The following ANKMY2 variants were observed in gnomAD, a reference collection of about 807,000 sequenced individuals.
ANKMY2 encodes ankyrin repeat and MYND domain containing 2.
ANKMY2 carries 36 observed loss-of-function variants against 50.4 expected under a neutral mutation model. The observed-to-expected ratio is 0.71, with a 90% CI of 0.55 to 0.94. The LOEUF is 0.94. Ranked by LOEUF, ANKMY2 falls within the 40% of genes least tolerant of loss-of-function variation. ANKMY2 has a pLI of 0.00. For missense variants in ANKMY2, 565 were observed against 524.0 expected, an observed-to-expected ratio of 1.08 and a Z score of -0.76; for synonymous variants, 187 against 178.8, an observed-to-expected ratio of 1.05 and a Z score of -0.36.
intron 2 of ANKMY2, among the ~76,000 whole-genome samples, chr7:16,635,981 G>A (rs907558574): frequency 6.6e-6 from 1 of 151,968 alleles, no homozygotes; most frequent in African/African-American, 2.4e-5. Context: ...AGTGTAATAT[G>A]AGCAAAAATG....
At chr7:16,605,681 T>TCG (rs1781147297) in intron 7 of ANKMY2, among the ~76,000 whole-genome samples, 1 of 130,148 alleles carries the variant, frequency 7.7e-6, no homozygotes, top group Non-Finnish European at 1.6e-5. Flanking sequence ...GTACTTTTTT[T>TCG]TTTTTTTTTT....
intron 7 of ANKMY2, among the ~76,000 whole-genome samples, chr7:16,606,662 T>A (rs544566805): frequency 6.6e-6 from 1 of 152,348 alleles, no homozygotes; most frequent in African/African-American, 2.4e-5. Flanking sequence ...TTTGTTTTTA[T>A]ATTATCTTAC....
chr7:16,631,416 C>T (rs1644458626), intron 2 of ANKMY2, among the ~76,000 whole-genome samples: 1 of 152,098 alleles, frequency 6.6e-6, no homozygotes, highest in Non-Finnish European at 1.5e-5. Context: ...CTAGCCTTAT[C>T]AAATAAATGA....
intron 3 of ANKMY2, among the ~76,000 whole-genome samples, chr7:16,625,965 G>C (rs1036498856): frequency 1.4e-5 from 2 of 144,202 alleles, no homozygotes; most frequent in South Asian, 2.2e-4. Flanking sequence ...TTTTATACTT[G>C]ATTTATAAGA....
intron 6 of ANKMY2, among the ~76,000 whole-genome samples, chr7:16,610,271 G>A (rs753888786): frequency 1.3e-5 from 2 of 151,974 alleles, no homozygotes; most frequent in African/African-American, 2.4e-5. Flanking sequence ...ACTTTCTCGC[G>A]GTGTGATCTT....
rs531859417 is a variant in ANKMY2 at position 16,644,366 on chromosome 7, C to A, written c.67+1141G>T. Among the ~76,000 whole-genome samples, 39 of 152,294 alleles carry A rather than the reference C, an allele frequency of 2.6e-4. No individual in the cohort carries two copies. In the South Asian group the frequency reaches 3.3e-3, roughly 13 times the overall value. ...TGACTTAGAATAGTTGAGATCAGAT[C>A]GGGTGGGCTCAGCTCATCAGCACCT... is the stretch of plus-strand genomic sequence containing the variant. On this transcript the variant is annotated intron_variant, in intron 1 of 9. Coordinates refer to ENST00000306999, the MANE Select transcript of ANKMY2 (RefSeq NM_020319.3).
Position 16,600,795 on chromosome 7 carries a change from T to C in ANKMY2, c.1292A>G (p.Asp431Gly). ...AGACACCTGTGGCCCTGCAGGAGCA[T>C]CCTGTAAGCCTTCCAACTCAGCTTC... ...ESEAELEGLQ[D>G]APAGPQVSEE Residue 431 changes from aspartate (D) to glycine (G), a missense_variant, in exon 10 of 10, where the codon GAT becomes GGT. By Grantham distance (94) the Asp-to-Gly change is moderately conservative. Coordinates refer to ENST00000306999, the MANE Select transcript of ANKMY2 (RefSeq NM_020319.3). 6.2e-7 allele frequency: 1 copy of C among 1,613,314 alleles called. No individual in the cohort carries two copies. The highest frequency in any genetic ancestry group is 1.1e-5 in the South Asian group (1 of 90,946).
chr7:16,632,007 G>T (rs1455791940), intron 2 of ANKMY2, among the ~76,000 whole-genome samples: 1 of 152,062 alleles, frequency 6.6e-6, no homozygotes, highest in Non-Finnish European at 1.5e-5. Context: ...TAATAAAAAA[G>T]TTATGACAAT....
At chr7:16,624,571 C>A (rs1298875342) in intron 4 of ANKMY2, among the ~76,000 whole-genome samples, 1 of 152,148 alleles carries the variant, frequency 6.6e-6, no homozygotes. Context: ...TTAATCCTCA[C>A]AATAACCCTG....
At chr7:16,622,471 C>A (rs759748715) in intron 4 of ANKMY2, among the ~76,000 whole-genome samples, 2 of 151,908 alleles carry the variant, frequency 1.3e-5, no homozygotes, top group African/African-American at 4.8e-5. Flanking sequence ...CTAGGCTGGT[C>A]GTGGTGGCTG....
At chr7:16,639,020 A>G (rs1282063848) in intron 1 of ANKMY2, among the ~76,000 whole-genome samples, 1 of 152,246 alleles carries the variant, frequency 6.6e-6, no homozygotes, top group Non-Finnish European at 1.5e-5. Flanking sequence ...GAGAAAAATA[A>G]TCTGAAACAG....
At position 16,606,256 on chromosome 7, in the gene ANKMY2, C is replaced by G. The variant is rs190882386; in HGVS notation, c.883-1407G>C. On this transcript the variant is annotated intron_variant, in intron 7 of 9. Coordinates refer to ENST00000306999, the MANE Select transcript of ANKMY2 (RefSeq NM_020319.3). ...GAGCAGCCTGACCAACTTGGTGAAGCCCCGACTCTACTGAAAATACAAAAA... is the reference window on the plus strand; with the variant it reads ...GAGCAGCCTGACCAACTTGGTGAAGGCCCGACTCTACTGAAAATACAAAAA... Among the ~76,000 whole-genome samples the G allele has an allele frequency of 5.9e-5, 9 of 152,176 alleles. No individual in the cohort carries two copies. In the South Asian group the frequency reaches 1.9e-3, roughly 32 times the overall value.
intron 1 of ANKMY2, 133 bp downstream of exon 1, chr7:16,645,374 C>G: frequency 1.2e-6 from 1 of 867,078 alleles, no homozygotes; most frequent in South Asian, 1.9e-5. Context: ...GGGAGAAACG[C>G]TCTTTCCCGG....
At chr7:16,624,205 G>A (rs544969878) in intron 4 of ANKMY2, among the ~76,000 whole-genome samples, 1 of 152,234 alleles carries the variant, frequency 6.6e-6, no homozygotes, top group South Asian at 2.1e-4. Context: ...TTTGTTTAAT[G>A]AATTATTAGT....
chr7:16,609,476 G>A (rs535100220), intron 7 of ANKMY2, among the ~76,000 whole-genome samples, 154 bp downstream of exon 7: 1 of 152,220 alleles, frequency 6.6e-6, no homozygotes, highest in East Asian at 1.9e-4. Context: ...AAATAAACAG[G>A]AACAGGTTTG....
chr7:16,617,381 T>C (rs1781370444), intron 4 of ANKMY2, among the ~76,000 whole-genome samples: 1 of 152,186 alleles, frequency 6.6e-6, no homozygotes, highest in Non-Finnish European at 1.5e-5. Flanking sequence ...TCCAGGACCC[T>C]ATCAGCTTTA....
chr7:16,620,681 G>A (rs1158905640), intron 4 of ANKMY2, among the ~76,000 whole-genome samples: 8 of 151,594 alleles, frequency 5.3e-5, no homozygotes, highest in African/African-American at 1.9e-4. Context: ...GGTAAAAGAG[G>A]AGGAATGCAA....
Position 16,625,107 on chromosome 7 carries a change from G to A in ANKMY2, c.272-26C>T, listed in dbSNP as rs113106648. On this transcript the variant is annotated intron_variant, in intron 3 of 9. Coordinates refer to ENST00000306999, the MANE Select transcript of ANKMY2 (RefSeq NM_020319.3). Reference sequence around the variant, plus strand: ...CTAGAGTTTTAAAGGGAACACATTTGTTAATGTTAAGGAGGACACAATTTA... The same window carrying A: ...CTAGAGTTTTAAAGGGAACACATTTATTAATGTTAAGGAGGACACAATTTA... The A allele has an allele frequency of 3.5e-3, 5,428 of 1,565,932 alleles. 155 individuals carry two copies. In the African/African-American group the frequency reaches 0.061, roughly 17 times the overall value.
intron 2 of ANKMY2, among the ~76,000 whole-genome samples, chr7:16,629,721 AAAGAAGTGG>A (rs1781553259): frequency 6.6e-6 from 1 of 152,172 alleles, no homozygotes; most frequent in Non-Finnish European, 1.5e-5. Context: ...CTTATTTTTC[AAAGAAGTGG>A]ATATCACATG....
Sources: allele counts gnomAD v4.1 joint callset (sites outside exome capture counted in the v4.1 genomes callset), GRCh38; gene constraint gnomAD v4.1.1; transcripts MANE v1.5; gene names NCBI Gene and HGNC (gene_info 2026-07-23, HGNC 2026-07-21).